The following BMPR1B variants were observed in gnomAD, a reference collection of about 807,000 sequenced individuals.
The protein encoded by BMPR1B is bone morphogenetic protein receptor type 1B.
In BMPR1B, 12 loss-of-function variants were observed where a neutral mutation model predicts 59.1. The observed-to-expected ratio is 0.20, with a 90% CI of 0.13 to 0.33. BMPR1B has a LOEUF of 0.33. BMPR1B is among the 10% of genes least tolerant of loss of function. The pLI, the probability that BMPR1B is intolerant of heterozygous loss-of-function variation, is 1.00. For synonymous variants in BMPR1B, 237 were observed against 207.3 expected (o/e 1.14, Z -1.23); for missense variants, 550 against 610.9 (o/e 0.90, Z 1.05).
chr4:95,115,840 A>G, intron 6 of BMPR1B, 53 bp downstream of exon 6: 2 of 1,477,304 alleles, frequency 1.4e-6, no homozygotes, highest in Non-Finnish European at 1.9e-6. Context: ...ATGAAAATAA[A>G]AACTAAAAAC....
intron 2 of BMPR1B, among the ~76,000 whole-genome samples, chr4:94,984,560 A>G (rs933361875): frequency 7.2e-5 from 11 of 152,202 alleles, no homozygotes; most frequent in African/African-American, 2.7e-4. Context: ...CAGTACTACT[A>G]TGCATAATTT....
At chr4:95,127,865 A>T (rs892266938) in intron 8 of BMPR1B, among the ~76,000 whole-genome samples, 6 of 151,618 alleles carry the variant, frequency 4.0e-5, no homozygotes, top group Admixed American at 1.3e-4. Flanking sequence ...GTCCCCCCAA[A>T]ATGTTCATGC....
In BMPR1B at chr4:95,131,370, T is replaced by C; in HGVS notation, c.934T>C (p.Leu312=). ...GTTAGCCTACTCTTCTGTCAGTGGC[T>C]TATGTCATTTACACACAGAAATCTT... The part of the protein sequence containing the change: ...LKLAYSSVSG[L]CHLHTEIFST... The change falls in exon 10 of 13, where the codon TTA becomes CTA. Residue 312 remains leucine (L), a synonymous_variant. Transcript: ENST00000515059. 3 of 1,614,048 alleles carry C rather than the reference T, an allele frequency of 1.9e-6. No homozygotes were observed. The highest frequency in any genetic ancestry group is 2.5e-6 in the Non-Finnish European group (3 of 1,180,000).
chr4:94,813,749 A>G (rs1723906573), intron 1 of BMPR1B, among the ~76,000 whole-genome samples: 1 of 152,158 alleles, frequency 6.6e-6, no homozygotes. Flanking sequence ...TGAGAGAGAA[A>G]TGATGGCTTA....
At chr4:95,128,890 A>G (rs551298385) in intron 8 of BMPR1B, among the ~76,000 whole-genome samples, 2 of 152,268 alleles carry the variant, frequency 1.3e-5, no homozygotes, top group South Asian at 2.1e-4. Context: ...TCTCATTTAT[A>G]GTGACTGTTT....
At chr4:94,834,338 A>G (rs1021414209) in intron 1 of BMPR1B, among the ~76,000 whole-genome samples, 2 of 151,968 alleles carry the variant, frequency 1.3e-5, no homozygotes, top group Admixed American at 1.3e-4. Context: ...TTCTTTCGTG[A>G]TATGCTTATC....
chr4:95,129,314 G>T (rs946734966), intron 8 of BMPR1B, among the ~76,000 whole-genome samples: 1 of 152,020 alleles, frequency 6.6e-6, no homozygotes, highest in Non-Finnish European at 1.5e-5. Context: ...TTCTGGTATT[G>T]TTCTTTGCCC....
At chr4:94,965,777 A>AGAGAGAGTGTGTGTGT (rs149275419) in intron 2 of BMPR1B, among the ~76,000 whole-genome samples, 2 of 152,072 alleles carry the variant, frequency 1.3e-5, no homozygotes, top group African/African-American at 4.8e-5. Context: ...TGTGTGTGAG[A>AGAGAGAGTGTGTGTGT]GTGTATGTGT....
rs529425822 is a variant in BMPR1B at position 95,156,903 on chromosome 4, G to A, written c.*2230G>A. 6.6e-6 allele frequency: 1 copy of A among 152,120 alleles called. No individual in the cohort carries two copies. The highest frequency in any genetic ancestry group is 1.5e-5 in the Non-Finnish European group (1 of 67,990). 9.4% of individuals were successfully genotyped at this position (152,120 alleles called of 1,614,324 possible). On this transcript the variant is annotated 3_prime_UTR_variant, in exon 13 of 13. Transcript: ENST00000515059. ...AAACAGATCATCTACAAAACAACAG[G>A]TAAACATTTATGCCAGTTAAGTGGG...
intron 2 of BMPR1B, among the ~76,000 whole-genome samples, chr4:94,982,511 C>T (rs542854007): frequency 7.9e-5 from 12 of 152,256 alleles, no homozygotes; most frequent in African/African-American, 2.6e-4. Context: ...AGAATACTGG[C>T]ATCTGCCTTT....
chr4:94,875,615 C>A (rs112614639), intron 1 of BMPR1B, among the ~76,000 whole-genome samples: 17,013 of 152,094 alleles, frequency 0.11, 1,003 homozygotes, highest in Non-Finnish European at 0.14. Context: ...ACCCGGGAGG[C>A]GGAGCTTGCA....
chr4:95,024,876 G>T (rs1724243939), intron 3 of BMPR1B, among the ~76,000 whole-genome samples: 1 of 152,172 alleles, frequency 6.6e-6, no homozygotes, highest in African/African-American at 2.4e-5. Flanking sequence ...GCCGAGGCGG[G>T]CAGATCATGA....
intron 3 of BMPR1B, among the ~76,000 whole-genome samples, chr4:95,095,663 C>G (rs1374349706): frequency 1.3e-5 from 2 of 151,978 alleles, no homozygotes; most frequent in African/African-American, 4.8e-5. Context: ...ATTAGTAGAC[C>G]TTGTATGACA....
chr4:95,043,181 CAAAAAA>C (rs751904820), intron 3 of BMPR1B, among the ~76,000 whole-genome samples: 38 of 51,446 alleles, frequency 7.4e-4, no homozygotes, highest in Non-Finnish European at 7.3e-4. Flanking sequence ...GACTCCGTCT[CAAAAAA>C]AAAAAAAAAA....
At chr4:94,921,418 T>A (rs528554831) in intron 2 of BMPR1B, among the ~76,000 whole-genome samples, 5 of 152,242 alleles carry the variant, frequency 3.3e-5, no homozygotes, top group African/African-American at 1.2e-4. Context: ...GTGCAGGCTC[T>A]ACAGGAAACG....
Position 94,765,924 on chromosome 4 carries a change from G to C in BMPR1B, c.-183+7856G>C, listed in dbSNP as rs1553743. On this transcript the variant is annotated intron_variant, in intron 1 of 12. Coordinates refer to ENST00000515059, the MANE Select transcript of BMPR1B (RefSeq NM_001203.3). ...TTTGAATCGTGGCTGTATCATTTCCGAGTTGTGAGACCTTGGGCAAGTTCC... is the reference window on the plus strand; with the variant it reads ...TTTGAATCGTGGCTGTATCATTTCCCAGTTGTGAGACCTTGGGCAAGTTCC... Among the ~76,000 whole-genome samples the C allele has an allele frequency of 8.6e-4, 131 of 152,206 alleles. No individual in the cohort carries two copies. The South Asian group carries it at 0.022, about 25-fold the overall frequency.
chr4:94,965,485 G>A (rs1359571051), intron 2 of BMPR1B, among the ~76,000 whole-genome samples: 1 of 152,084 alleles, frequency 6.6e-6, no homozygotes, highest in Non-Finnish European at 1.5e-5. Flanking sequence ...GTATTCCAAA[G>A]ACTCCATGCA....
chr4:95,023,400 G>C (rs2149140231), intron 3 of BMPR1B, among the ~76,000 whole-genome samples: 1 of 152,122 alleles, frequency 6.6e-6, no homozygotes, highest in South Asian at 2.1e-4. Context: ...TTACATTTAT[G>C]AGACAGAGTC....
At chr4:95,105,023 AG>A (rs1352584480) in intron 4 of BMPR1B, among the ~76,000 whole-genome samples, 2 of 152,118 alleles carry the variant, frequency 1.3e-5, no homozygotes, top group Non-Finnish European at 2.9e-5. Flanking sequence ...GAAGCAGTGC[AG>A]TGGTAGAGCT....
Sources: gnomAD v4.1 joint callset for allele counts (sites outside exome capture counted in the v4.1 genomes callset) on GRCh38, gnomAD v4.1.1 for gene constraint, MANE v1.5 for transcripts, NCBI Gene and HGNC (gene_info 2026-07-23, HGNC 2026-07-21) for gene names.